The following MEIOB variants were observed in gnomAD, a reference collection of about 807,000 sequenced individuals.
MEIOB encodes meiosis specific with OB-fold.
In MEIOB, 50 loss-of-function variants were observed where a neutral mutation model predicts 53.1. That is an observed-to-expected ratio of 0.94 (90% CI 0.75 to 1.19). MEIOB has a LOEUF of 1.19. MEIOB is among the 50% of genes most tolerant of loss of function. The probability of loss-of-function intolerance (pLI) is 0.00; values close to 1 mark genes in which losing one functional copy is unlikely to be tolerated. For synonymous variants in MEIOB, 192 were observed against 182.5 expected (o/e 1.05, Z -0.42); for missense variants, 551 against 550.8 (o/e 1.00, Z 0.00).
At chr16:1,868,222 A>C in intron 1 of MEIOB, 38 bp from the exon 2 acceptor site, 1 of 1,035,408 alleles carries the variant, frequency 9.7e-7, no homozygotes, top group Non-Finnish European at 1.4e-6. Context: ...ATATAAATTG[A>C]ATAAATGAAA....
chr16:1,866,577 C>T (rs1425963767), intron 2 of MEIOB, among the ~76,000 whole-genome samples: 1 of 151,902 alleles, frequency 6.6e-6, no homozygotes, highest in African/African-American at 2.4e-5. Flanking sequence ...AAAAAATTAG[C>T]CAGGTGTGGT....
intron 2 of MEIOB, among the ~76,000 whole-genome samples, chr16:1,866,958 T>A (rs1899609282): frequency 6.6e-6 from 1 of 152,184 alleles, no homozygotes; most frequent in South Asian, 2.1e-4. Flanking sequence ...CTTGCAGATC[T>A]CACTGAATTT....
chr16:1,859,082 C>G (rs11863172), intron 5 of MEIOB, among the ~76,000 whole-genome samples: 32,893 of 152,172 alleles, frequency 0.22, 3,662 homozygotes, highest in South Asian at 0.35. Flanking sequence ...TTGGGTTATG[C>G]TGACAAAAGC....
chr16:1,865,918 T>C, intron 2 of MEIOB, 83 bp from the exon 3 acceptor site: 2 of 885,494 alleles, frequency 2.3e-6, no homozygotes. Context: ...TGTTATACTT[T>C]ACTGGCTCTA....
intron 6 of MEIOB, among the ~76,000 whole-genome samples, chr16:1,856,575 A>T (rs1406002818): frequency 2.6e-5 from 4 of 151,206 alleles, no homozygotes; most frequent in Admixed American, 2.6e-4. Flanking sequence ...CGCCTCAGCC[A>T]CCCAAAGTGC....
intron 9 of MEIOB, among the ~76,000 whole-genome samples, chr16:1,847,575 C>T (rs968362773): frequency 6.6e-6 from 1 of 150,568 alleles, no homozygotes; most frequent in African/African-American, 2.4e-5. Context: ...GTTTGAGACC[C>T]CCCAAAAAAA....
At chr16:1,848,415 A>G (rs542400482) in intron 9 of MEIOB, among the ~76,000 whole-genome samples, 1 of 152,264 alleles carries the variant, frequency 6.6e-6, no homozygotes, top group South Asian at 2.1e-4. Context: ...ATGTTACAGA[A>G]CATGCCTTCA....
chr16:1,869,021 T>C (rs1899665782), intron 1 of MEIOB, among the ~76,000 whole-genome samples: 1 of 152,166 alleles, frequency 6.6e-6, no homozygotes, highest in Non-Finnish European at 1.5e-5. Context: ...ATATAGCTAT[T>C]ATAGGTTTCA....
intron 13 of MEIOB, among the ~76,000 whole-genome samples, chr16:1,836,663 G>A (rs763104375): frequency 2.6e-5 from 4 of 151,926 alleles, no homozygotes; most frequent in Non-Finnish European, 2.9e-5. Flanking sequence ...TGGTGGCCAT[G>A]GAAAATGGGA....
Position 1,853,080 on chromosome 16 carries a change from G to A in MEIOB, c.737C>T (p.Thr246Ile), listed in dbSNP as rs1362178167. ...AATGGTTTTTGAGATTACAGTTGCT[G>A]TCATGCAGTTCCGAAATTTGTCAAA... ...INFDKFRNCM[T>I]ATVISKTIIT... The change falls in exon 9 of 14, where the codon ACA becomes ATA. Residue 246 changes from threonine (T) to isoleucine (I), a missense_variant. Thr to Ile is a moderately conservative substitution (Grantham distance 89). Coordinates refer to ENST00000325962, the MANE Select transcript of MEIOB (RefSeq NM_001163560.3). The A allele has an allele frequency of 1.2e-6, 2 of 1,612,924 alleles. No homozygotes were observed. Among genetic ancestry groups the A allele is most frequent in the Admixed American group, 3.3e-5 (2 of 59,988 alleles).
intron 4 of MEIOB, among the ~76,000 whole-genome samples, chr16:1,861,779 C>G (rs540363622): frequency 2.4e-4 from 36 of 152,246 alleles, no homozygotes; most frequent in African/African-American, 7.7e-4. Context: ...ACGCAATCCA[C>G]CCACCTCAGC....
chr16:1,834,684 G>A lies in MEIOB; in HGVS notation c.1306-318C>T, dbSNP rs897553667. 1.2e-4 allele frequency among the ~76,000 whole-genome samples: 18 copies of A among 152,256 alleles called. 1 individual carries two copies. Among genetic ancestry groups the A allele is most frequent in the Non-Finnish European group, 2.1e-4 (14 of 68,044 alleles). ...GCAGTGGCTCACGCCTGTAATCCCA[G>A]CACTTTGGGAGGCCAAGGCGGGTGG... On this transcript the variant is annotated intron_variant, in intron 13 of 13. Coordinates refer to ENST00000325962, the MANE Select transcript of MEIOB (RefSeq NM_001163560.3).
intron 9 of MEIOB, among the ~76,000 whole-genome samples, chr16:1,847,974 G>T (rs184420378): frequency 2.0e-5 from 3 of 152,106 alleles, no homozygotes; most frequent in East Asian, 1.9e-4. Flanking sequence ...TTGAGACAGG[G>T]TCTTGCTCTG....
At chr16:1,855,931 C>CTTTTTT (rs34688365) in intron 6 of MEIOB, among the ~76,000 whole-genome samples, 51 of 131,278 alleles carry the variant, frequency 3.9e-4, no homozygotes, top group African/African-American at 1.2e-3. Context: ...GTGTTTTTTC[C>CTTTTTT]TTTTTTTTTT....
chr16:1,840,886 AT>A (rs911343116), intron 11 of MEIOB: 1 of 151,748 alleles, frequency 6.6e-6, no homozygotes, highest in African/African-American at 2.4e-5. Flanking sequence ...TGAATCTAGG[AT>A]TATCTCAATG....
chr16:1,849,545 CA>C (rs373210979), intron 9 of MEIOB, among the ~76,000 whole-genome samples: 14 of 79,194 alleles, frequency 1.8e-4, no homozygotes, highest in Admixed American at 3.3e-4. Flanking sequence ...GACTCCGTCT[CA>C]AAAAAAAAAA....
chr16:1,859,474 G>C (rs1032680327), intron 5 of MEIOB, among the ~76,000 whole-genome samples: 2 of 152,210 alleles, frequency 1.3e-5, no homozygotes, highest in African/African-American at 4.8e-5. Flanking sequence ...CCAGGAGTTA[G>C]AGGTTACAGT....
At position 1,862,050 on chromosome 16, in the gene MEIOB, G is replaced by T; in HGVS notation, c.194C>A (p.Ala65Glu). 1 of 1,551,230 alleles carries T rather than the reference G, an allele frequency of 6.4e-7. No homozygotes were observed. Among genetic ancestry groups the T allele is most frequent in the South Asian group, 1.2e-5 (1 of 84,048 alleles). ...IRDSPAHFVN[A>E]ASWGNEDYIK... is the part of the protein sequence containing the mutation. ...GTAATCTTCATTGCCCCAGGAAGCT[G>T]CATTTACAAAATGTGCTGGTGAATC... is the stretch of plus-strand genomic sequence containing the variant. Residue 65 changes from alanine to glutamate, a missense_variant, in exon 4 of 14, where the codon GCA (alanine) becomes GAA (glutamate). Transcript: ENST00000325962.
intron 6 of MEIOB, among the ~76,000 whole-genome samples, chr16:1,857,062 T>C (rs1402003483): frequency 6.6e-6 from 1 of 152,224 alleles, no homozygotes; most frequent in Non-Finnish European, 1.5e-5. Context: ...GTGCCTGGAC[T>C]AATTTTCATG....
Sources: gnomAD v4.1 joint callset for allele counts (sites outside exome capture counted in the v4.1 genomes callset) on GRCh38, gnomAD v4.1.1 for gene constraint, MANE v1.5 for transcripts, NCBI Gene and HGNC (gene_info 2026-07-23, HGNC 2026-07-21) for gene names.